The following NAAA variants were observed in gnomAD, a reference collection of about 807,000 sequenced individuals.
NAAA encodes the protein N-acylethanolamine-hydrolyzing acid amidase.
In NAAA, 39 loss-of-function variants were observed where a neutral mutation model predicts 44.8. That is an observed-to-expected ratio of 0.87 (90% confidence interval 0.67 to 1.14). The LOEUF is 1.14. NAAA is among the 50% of genes most tolerant of loss of function. NAAA has a pLI of 0.00. For missense variants in NAAA, 460 were observed against 467.8 expected, an observed-to-expected ratio of 0.98 and a Z score of 0.15; for synonymous variants, 178 against 191.3, an observed-to-expected ratio of 0.93 and a Z score of 0.58.
rs139190798 is a variant in NAAA at position 75,920,725 on chromosome 4, C to T, written c.902+13G>A. 2,949 of 1,614,168 alleles carry T rather than the reference C, an allele frequency of 1.8e-3. 31 individuals carry two copies. In the African/African-American group the frequency reaches 0.026, roughly 14 times the overall value. On this transcript the variant is annotated intron_variant, in intron 7 of 10. Coordinates refer to ENST00000286733, the MANE Select transcript of NAAA (RefSeq NM_014435.4). ...AGAAAACACTGCAAACCAGAAAGCA[C>T]GTAGCAGCCTACCTCCGGTCATCTT...
At chr4:75,915,767 C>T (rs1316643301) in intron 9 of NAAA, among the ~76,000 whole-genome samples, 2 of 152,182 alleles carry the variant, frequency 1.3e-5, no homozygotes, top group Non-Finnish European at 2.9e-5. Flanking sequence ...GGCACCTGCC[C>T]CGCCCCTCCA....
Position 75,917,143 on chromosome 4 carries a change from C to A in NAAA, c.998+1618G>T, listed in dbSNP as rs184723221. 1.0e-3 allele frequency: 959 copies of A among 917,106 alleles called. 9 individuals carry two copies. The African/African-American group carries it at 0.016, about 15-fold the overall frequency. The allele number at this position is 917,106 out of a possible 1,614,324, so 56.8% of individuals were successfully genotyped here. A position where few individuals can be genotyped will look rare whatever the true frequency, so the allele number is the denominator to read the frequency against. On this transcript the variant is annotated intron_variant, in intron 9 of 10. Transcript: ENST00000286733. The stretch of plus-strand genomic sequence containing the variant: ...TAAGAACACAAAAGTAGTTTATTAA[C>A]CCCCATTTAAAAAATGACTATTAAA...
Position 75,916,778 on chromosome 4 carries a change from C to CTTTTT in NAAA, c.999-1798_999-1794dup, listed in dbSNP as rs35739236. Among the ~76,000 whole-genome samples the CTTTTT allele has an allele frequency of 1.7e-3, 134 of 76,974 alleles. 5 individuals are homozygous for CTTTTT. The highest frequency in any genetic ancestry group is 6.0e-3 in the African/African-American group (126 of 21,144). The allele number at this position is 76,974 out of a possible 152,430, so 50.5% of individuals were successfully genotyped here. ...TTTTTAAAAGATATATTCATCACTT[C>CTTTTT]TTTTTTTTTTTTTTTTTTTTTTTTT... On this transcript the variant is annotated intron_variant, in intron 9 of 10. Coordinates refer to ENST00000286733, the MANE Select transcript of NAAA (RefSeq NM_014435.4).
rs1689013609 is a variant in NAAA, at chr4:75,920,780, T to C, written c.860A>G (p.Asn287Ser). The C allele has an allele frequency of 6.2e-7, 1 of 1,614,060 alleles. No homozygotes were observed. Among genetic ancestry groups the C allele is most frequent in the African/African-American group, 1.3e-5 (1 of 74,916 alleles). The change falls in exon 7 of 11, where the codon AAT (asparagine) becomes AGT (serine). Residue 287 changes from asparagine to serine, a missense_variant. Asn to Ser is a conservative substitution (Grantham distance 46, BLOSUM62 1). Transcript: ENST00000286733. ...GGGTGCTGGCTTCCAGTGGTCGTAA[T>C]TTGTCTCAACTCGGAACCACCTACA... ...LNGAWFRVET[N>S]YDHWKPAPKE...
intron 3 of NAAA, among the ~76,000 whole-genome samples, chr4:75,932,389 C>A (rs184591696): frequency 5.3e-5 from 8 of 152,224 alleles, no homozygotes; most frequent in Admixed American, 4.6e-4. Context: ...TTTAACAAAG[C>A]TCTTTCATTT....
rs753640800 is a variant in NAAA at position 75,940,737 on chromosome 4, A to G, written c.206+7T>C. On this transcript the variant is annotated splice_region_variant and intron_variant, in intron 1 of 10. Transcript: ENST00000286733. ...CCCCGCAGACCCCGTCCAGGGCCCC[A>G]GCTCACCCGATGACTTGCGCCATCG... 6.3e-7 allele frequency: 1 copy of G among 1,594,062 alleles called. No individual in the cohort carries two copies. Among genetic ancestry groups the G allele is most frequent in the South Asian group, 1.1e-5 (1 of 90,064 alleles).
In NAAA at chr4:75,921,067, G is replaced by A; in HGVS notation, c.723C>T (p.Pro241=). 1.9e-6 allele frequency: 3 copies of A among 1,599,522 alleles called. No homozygotes were observed. The highest frequency in any genetic ancestry group is 2.6e-6 in the Non-Finnish European group (3 of 1,176,192). ...EAAVGKLAKT[P]LIADVYYIVG... is the part of the protein sequence containing the mutation. ...CAATGTAATAAACATCAGCAATAAG[G>A]GGAGTCTTGGCCAACTTGCCAACAG... Residue 241 remains proline (P), a synonymous_variant, in exon 6 of 11, where the codon CCC becomes CCT. Coordinates refer to ENST00000286733, the MANE Select transcript of NAAA (RefSeq NM_014435.4).
chr4:75,924,171 GC>G, intron 5 of NAAA, among the ~76,000 whole-genome samples: 1 of 152,058 alleles, frequency 6.6e-6, no homozygotes, highest in Non-Finnish European at 1.5e-5. Flanking sequence ...GTTTTCTGTG[GC>G]CCTGAGACAA....
downstream of NAAA, among the ~76,000 whole-genome samples, chr4:75,912,550 T>C (rs1034170559): frequency 1.5e-5 from 2 of 132,740 alleles, no homozygotes; most frequent in African/African-American, 5.8e-5. Context: ...GGAGACTCTG[T>C]CTGGAAAAAA....
intron 2 of NAAA, among the ~76,000 whole-genome samples, chr4:75,937,414 G>A (rs1173598522): frequency 2.0e-5 from 3 of 152,158 alleles, no homozygotes; most frequent in Admixed American, 6.5e-5. Context: ...GTGAGACTCC[G>A]TCTCAAACAT....
chr4:75,913,647 G>T, downstream of NAAA: 1 of 974,102 alleles, frequency 1.0e-6, no homozygotes. Context: ...AGCAGGGAGA[G>T]CATAACGCTA....
At chr4:75,932,998 G>A (rs1727371848) in intron 3 of NAAA, among the ~76,000 whole-genome samples, 1 of 151,932 alleles carries the variant, frequency 6.6e-6, no homozygotes, top group Non-Finnish European at 1.5e-5. Flanking sequence ...AGCTGGGTGT[G>A]GTGGCACGCA....
chr4:75,916,357 C>T (rs1448590590), intron 9 of NAAA: 1 of 152,172 alleles, frequency 6.6e-6, no homozygotes, highest in Non-Finnish European at 1.5e-5. Flanking sequence ...TTAATTCTGG[C>T]TCCATGGTGA....
In NAAA at chr4:75,914,222, G is replaced by A; in HGVS notation, c.*153C>T. The A allele has an allele frequency of 1.0e-6, 1 of 985,790 alleles. No homozygotes were observed. Among genetic ancestry groups the A allele is most frequent in the Middle Eastern group, 5.2e-4 (1 of 1,914 alleles). 61.1% of individuals were successfully genotyped at this position (985,790 alleles called of 1,614,324 possible). On this transcript the variant is annotated 3_prime_UTR_variant, in exon 11 of 11. Transcript: ENST00000286733. Reference sequence around the variant, plus strand: ...CAAATCTCCTGGACCCACTTCGCAAGGTTGTAAAGTTAAATGAGGAAGGAG... The same window carrying A: ...CAAATCTCCTGGACCCACTTCGCAAAGTTGTAAAGTTAAATGAGGAAGGAG...
rs1440334389 is a variant in NAAA, at chr4:75,940,076, A to C, written c.296T>G (p.Ile99Ser). The C allele has an allele frequency of 6.2e-7, 1 of 1,613,944 alleles. No individual in the cohort carries two copies. The highest frequency in any genetic ancestry group is 2.2e-5 in the East Asian group (1 of 44,872). Residue 99 changes from isoleucine (I) to serine (S), a missense_variant, in exon 2 of 11, where the codon ATC (isoleucine) becomes AGC (serine). By Grantham distance (142) the Ile-to-Ser change is moderately radical. Transcript: ENST00000286733. ...GTTCATGAAGTCACACATGCCGCGG[A>C]TCTCGCCGGTGAAGGGCTGGGGCAG... ...RFLPQPFTGE[I>S]RGMCDFMNLS...
At chr4:75,934,752 A>G (rs1027352988) in intron 3 of NAAA, 3 of 152,212 alleles carry the variant, frequency 2.0e-5, no homozygotes, top group African/African-American at 7.2e-5. Flanking sequence ...GCAATACCCA[A>G]GTGTAAACTG....
intron 4 of NAAA, among the ~76,000 whole-genome samples, chr4:75,927,616 A>T (rs927761061): frequency 2.2e-5 from 3 of 138,966 alleles, no homozygotes; most frequent in Non-Finnish European, 4.6e-5. Flanking sequence ...AAAAAAAATT[A>T]AAAAAAAATT....
intron 2 of NAAA, among the ~76,000 whole-genome samples, chr4:75,939,560 C>T (rs1397723041): frequency 6.6e-6 from 1 of 151,792 alleles, no homozygotes; most frequent in Non-Finnish European, 1.5e-5. Context: ...GGATTACAGG[C>T]GCCCACCACC....
chr4:75,931,178 T>C lies in NAAA; in HGVS notation c.589+36A>G, dbSNP rs770631601. 5.9e-6 allele frequency: 9 copies of C among 1,538,202 alleles called. No homozygotes were observed. In the East Asian group the frequency reaches 1.8e-4, roughly 31 times the overall value. On this transcript the variant is annotated intron_variant, in intron 4 of 10. Transcript: ENST00000286733. Reference sequence around the variant, plus strand: ...GTGCTTGGATAGAACTGAACAATAATGTAGCTAAAATTACACAGGGGTTTG... The same window carrying C: ...GTGCTTGGATAGAACTGAACAATAACGTAGCTAAAATTACACAGGGGTTTG...
Sources: gnomAD v4.1 joint callset for allele counts (sites outside exome capture counted in the v4.1 genomes callset) on GRCh38, gnomAD v4.1.1 for gene constraint, MANE v1.5 for transcripts, NCBI Gene and HGNC (gene_info 2026-07-23, HGNC 2026-07-21) for gene names.